The following HM13 variants were observed in gnomAD, a reference collection of about 807,000 sequenced individuals.
The protein encoded by HM13 is signal peptide peptidase.
A neutral mutation model predicts 50.0 loss-of-function variants in HM13; 18 were observed. The ratio of observed to expected loss-of-function variants is 0.36; its 90% CI spans 0.25 to 0.53. HM13 has a LOEUF of 0.53. Ranked by LOEUF, HM13 falls within the 20% of genes least tolerant of loss-of-function variation. HM13 has a pLI of 0.90. For missense variants in HM13, 393 were observed against 552.4 expected (o/e 0.71, Z 2.89); for synonymous variants, 197 against 232.6 (o/e 0.85, Z 1.39).
chr20:31,546,338 A>G (rs1600649047), intron 4 of HM13, among the ~76,000 whole-genome samples: 1 of 152,096 alleles, frequency 6.6e-6, no homozygotes, highest in East Asian at 1.9e-4. Flanking sequence ...GCCCGGCCGT[A>G]GCACTCTCTC....
At chr20:31,546,952 G>T (rs372319531) in intron 4 of HM13, among the ~76,000 whole-genome samples, 1 of 152,032 alleles carries the variant, frequency 6.6e-6, no homozygotes, top group Non-Finnish European at 1.5e-5. Flanking sequence ...CAGTAAAAAG[G>T]CTAGGCTTAT....
At chr20:31,550,988 A>G (rs894655537) in intron 7 of HM13, among the ~76,000 whole-genome samples, 6 of 152,188 alleles carry the variant, frequency 3.9e-5, no homozygotes, top group Admixed American at 2.6e-4. Context: ...TAAAATTTAT[A>G]TATGTATAAA....
intron 10 of HM13, among the ~76,000 whole-genome samples, chr20:31,564,851 CAA>C (rs11476071): frequency 3.5e-4 from 41 of 116,632 alleles, no homozygotes; most frequent in African/African-American, 4.2e-4. Context: ...CTCAAAATCA[CAA>C]AAAAAAAAAA....
chr20:31,532,773 A>T (rs1982893040), intron 2 of HM13, among the ~76,000 whole-genome samples: 1 of 152,200 alleles, frequency 6.6e-6, no homozygotes, highest in African/African-American at 2.4e-5. Flanking sequence ...ACATCCAGCC[A>T]TTGCTTCTGC....
At chr20:31,554,545 G>GTA (rs1984202659) in intron 7 of HM13, 2 of 519,100 alleles carry the variant, frequency 3.9e-6, no homozygotes, top group Admixed American at 6.4e-5. Context: ...AGCTGGGTGC[G>GTA]GTGGTGGGCG....
intron 2 of HM13, among the ~76,000 whole-genome samples, chr20:31,533,908 C>A (rs1007870271): frequency 6.6e-6 from 1 of 152,156 alleles, no homozygotes; most frequent in African/African-American, 2.4e-5. Context: ...CAGGCAGGGT[C>A]TTACTCTTTC....
chr20:31,554,881 C>T lies in HM13; in HGVS notation c.808+52C>T, dbSNP rs373621988. The T allele has an allele frequency of 7.3e-4, 1,027 of 1,406,172 alleles. 2 individuals are homozygous for T. Among genetic ancestry groups the T allele is most frequent in the Non-Finnish European group, 9.7e-4 (958 of 990,962 alleles). The allele number at this position is 1,406,172 out of a possible 1,614,324, so 87.1% of individuals were successfully genotyped here. Reference sequence around the variant, plus strand: ...TGAAAGGGGTGGAGAGGGTATTCCCCGGAGCAAGGGGATTACTGCTAAACA... The same window carrying T: ...TGAAAGGGGTGGAGAGGGTATTCCCTGGAGCAAGGGGATTACTGCTAAACA... On this transcript the variant is annotated intron_variant, in intron 8 of 12. Transcript: ENST00000398174.
At chr20:31,526,092 T>G (rs1982473618) in intron 1 of HM13, among the ~76,000 whole-genome samples, 1 of 151,810 alleles carries the variant, frequency 6.6e-6, no homozygotes. Flanking sequence ...ACCACTGCAC[T>G]CCAGCCTAGG....
chr20:31,566,678 CAG>C (rs1568802396), intron 11 of HM13, among the ~76,000 whole-genome samples: 1 of 152,104 alleles, frequency 6.6e-6, no homozygotes, highest in Non-Finnish European at 1.5e-5. Context: ...AGTAATAGAA[CAG>C]GGGGCGTGTG....
intron 2 of HM13, among the ~76,000 whole-genome samples, chr20:31,529,911 G>T (rs1982712049): frequency 6.6e-6 from 1 of 152,028 alleles, no homozygotes; most frequent in African/African-American, 2.4e-5. Context: ...AGGTTGCAGT[G>T]AGCTGAGATG....
intron 1 of HM13, among the ~76,000 whole-genome samples, chr20:31,523,488 C>G (rs1982304977): frequency 6.6e-6 from 1 of 152,150 alleles, no homozygotes; most frequent in Admixed American, 6.5e-5. Context: ...ATCTCGAAAT[C>G]CTGACCTCAG....
chr20:31,558,239 G>A (rs891951569), intron 8 of HM13, among the ~76,000 whole-genome samples: 3 of 152,134 alleles, frequency 2.0e-5, no homozygotes, highest in African/African-American at 4.8e-5. Flanking sequence ...TGGGTGGACC[G>A]AGGTAACCCT....
chr20:31,550,168 G>A lies in HM13; in HGVS notation c.724+47G>A, dbSNP rs200163212. ...GGGAACCCCTTCCCCCACCCCTGCC[G>A]GGCCATGCCCCCACAGCCCGTTTCA... On this transcript the variant is annotated intron_variant, in intron 7 of 12. Coordinates refer to ENST00000398174, the MANE Select transcript of HM13 (RefSeq NM_178581.3). 1.1e-4 allele frequency: 160 copies of A among 1,439,314 alleles called. No homozygotes were observed. In the African/African-American group the frequency reaches 1.9e-3, roughly 17 times the overall value. 89.2% of individuals were successfully genotyped at this position (1,439,314 alleles called of 1,614,324 possible).
intron 8 of HM13, among the ~76,000 whole-genome samples, chr20:31,556,318 C>CA (rs2122643747): frequency 6.6e-6 from 1 of 152,244 alleles, no homozygotes; most frequent in Admixed American, 6.5e-5. Flanking sequence ...AGATTACAGG[C>CA]ATGAGCCACC....
intron 10 of HM13, chr20:31,563,298 C>T (rs539462727): frequency 6.6e-6 from 1 of 152,404 alleles, no homozygotes; most frequent in South Asian, 2.1e-4. Context: ...GGACCCTGTC[C>T]CATGGGGTCC....
At chr20:31,516,505 T>A (rs1055546296) in intron 1 of HM13, among the ~76,000 whole-genome samples, 2 of 152,178 alleles carry the variant, frequency 1.3e-5, no homozygotes, top group African/African-American at 4.8e-5. Context: ...GGAGAAAGAT[T>A]GAGCACATCT....
At chr20:31,548,336 T>C in intron 4 of HM13, 1 of 315,402 alleles carries the variant, frequency 3.2e-6, no homozygotes, top group Non-Finnish European at 6.0e-6. Flanking sequence ...TTAGGAAGCT[T>C]GGAAGCAATT....
chr20:31,558,899 TTTG>T (rs964923757), intron 8 of HM13, among the ~76,000 whole-genome samples: 4 of 151,780 alleles, frequency 2.6e-5, no homozygotes, highest in Non-Finnish European at 5.9e-5. Flanking sequence ...AATTTTTGCT[TTTG>T]TTTTTTGTTG....
chr20:31,548,285 T>C (rs1983834355), intron 4 of HM13: 3 of 437,312 alleles, frequency 6.9e-6, no homozygotes, highest in Middle Eastern at 6.4e-4. Flanking sequence ...GTGTCTGGAC[T>C]CTGTGACTCC....
Sources: gnomAD v4.1 joint callset for allele counts (sites outside exome capture counted in the v4.1 genomes callset) on GRCh38, gnomAD v4.1.1 for gene constraint, MANE v1.5 for transcripts, NCBI Gene and HGNC (gene_info 2026-07-23, HGNC 2026-07-21) for gene names.